Variants in WWOX observed in about 807,000 individuals in gnomAD.
The protein encoded by WWOX is WW domain-containing oxidoreductase.
Under a neutral mutation model 46.2 loss-of-function variants are expected in WWOX, and 69 were observed. The observed-to-expected ratio is 1.49, with a 90% confidence interval of 1.23 to 1.82. The LOEUF (loss-of-function observed/expected upper bound fraction) is 1.82. Ranked by LOEUF, WWOX falls within the 40% of genes most tolerant of loss-of-function variation. The pLI is 0.00. For missense variants in WWOX, 919 were observed against 542.6 expected, an observed-to-expected ratio of 1.69 and a Z score of -6.89; for synonymous variants, 359 against 202.6, an observed-to-expected ratio of 1.77 and a Z score of -6.56.
intron 8 of WWOX, among the ~76,000 whole-genome samples, chr16:78,857,945 A>T (rs1008072353): frequency 1.3e-5 from 2 of 152,192 alleles, no homozygotes; most frequent in African/African-American, 4.8e-5. Flanking sequence ...AGGACACCCA[A>T]TTAGAAGAAT....
intron 8 of WWOX, among the ~76,000 whole-genome samples, chr16:78,567,617 C>T (rs919235458): frequency 6.6e-6 from 1 of 150,760 alleles, no homozygotes; most frequent in African/African-American, 2.4e-5. Context: ...TTCCCAAGCT[C>T]GCCGCAGCCT....
intron 8 of WWOX, among the ~76,000 whole-genome samples, chr16:78,475,624 C>T (rs546649361): frequency 6.6e-6 from 1 of 152,244 alleles, no homozygotes; most frequent in Non-Finnish European, 1.5e-5. Context: ...TCATTTAAGA[C>T]AGCGTCTGTT....
chr16:78,366,671 G>T (rs2081542614), intron 5 of WWOX, among the ~76,000 whole-genome samples: 1 of 152,124 alleles, frequency 6.6e-6, no homozygotes, highest in African/African-American at 2.4e-5. Flanking sequence ...TTGCTTTCAT[G>T]CTATTAAAGC....
At chr16:78,210,509 ACTCT>A (rs970784315) in intron 5 of WWOX, among the ~76,000 whole-genome samples, 5 of 150,772 alleles carry the variant, frequency 3.3e-5, no homozygotes, top group Admixed American at 6.6e-5. Context: ...ACAGACACAC[ACTCT>A]CTCTCTCTTT....
chr16:78,257,902 C>G (rs1196702509), intron 5 of WWOX, among the ~76,000 whole-genome samples: 1 of 148,006 alleles, frequency 6.8e-6, no homozygotes, highest in East Asian at 2.0e-4. Context: ...GAAACAGGAA[C>G]TGAGTATGTT....
chr16:78,934,508 C>CA (rs760272326), intron 8 of WWOX, among the ~76,000 whole-genome samples: 22,298 of 73,642 alleles, frequency 0.3, 3,110 homozygotes, highest in East Asian at 0.41. Context: ...AACCCTGTAT[C>CA]AAAAAAAAAA....
chr16:78,925,320 C>T (rs1226844913), intron 8 of WWOX, among the ~76,000 whole-genome samples: 1 of 152,104 alleles, frequency 6.6e-6, no homozygotes, highest in Non-Finnish European at 1.5e-5. Flanking sequence ...CCTCAACTGC[C>T]CGGATGATAA....
intron 8 of WWOX, among the ~76,000 whole-genome samples, chr16:78,993,442 C>G (rs921280382): frequency 6.6e-6 from 1 of 152,132 alleles, no homozygotes; most frequent in Non-Finnish European, 1.5e-5. Flanking sequence ...GACAGTGCGG[C>G]TGGATAAGAG....
chr16:78,546,386 C>T (rs1371850757), intron 8 of WWOX, among the ~76,000 whole-genome samples: 1 of 152,088 alleles, frequency 6.6e-6, no homozygotes, highest in Non-Finnish European at 1.5e-5. Context: ...GGTTTCGGGA[C>T]TTGAAAGGCA....
intron 8 of WWOX, among the ~76,000 whole-genome samples, chr16:78,978,530 C>T (rs568101069): frequency 6.6e-6 from 1 of 152,264 alleles, no homozygotes; most frequent in African/African-American, 2.4e-5. Context: ...TAAAGAAATG[C>T]CTGAGACTGG....
chr16:78,575,833 G>C (rs1055239374), intron 8 of WWOX, among the ~76,000 whole-genome samples: 9 of 152,056 alleles, frequency 5.9e-5, no homozygotes, highest in Non-Finnish European at 1.0e-4. Context: ...AAAATGCCTA[G>C]ATAAATACTG....
chr16:78,670,409 A>C (rs1437340532), intron 8 of WWOX, among the ~76,000 whole-genome samples: 1 of 152,194 alleles, frequency 6.6e-6, no homozygotes, highest in Middle Eastern at 3.2e-3. Context: ...GCAGTGCCAC[A>C]TGCTGCATTG....
chr16:78,449,597 G>T (rs547073618), intron 8 of WWOX, among the ~76,000 whole-genome samples: 28 of 152,208 alleles, frequency 1.8e-4, no homozygotes, highest in African/African-American at 5.3e-4. Flanking sequence ...TTTTCTGTTT[G>T]CATCCTTTCG....
At chr16:78,710,578 A>G (rs1328494498) in intron 8 of WWOX, among the ~76,000 whole-genome samples, 1 of 144,910 alleles carries the variant, frequency 6.9e-6, no homozygotes, top group Non-Finnish European at 1.5e-5. Flanking sequence ...ATATCTAAAT[A>G]TATAAAATAT....
intron 8 of WWOX, among the ~76,000 whole-genome samples, chr16:78,715,576 T>C (rs1330727451): frequency 6.6e-6 from 1 of 151,782 alleles, no homozygotes; most frequent in Non-Finnish European, 1.5e-5. Context: ...CTCCGCCTCT[T>C]GGGTTCAAGC....
At chr16:78,379,965 A>G (rs148530751) in intron 5 of WWOX, among the ~76,000 whole-genome samples, 2,666 of 152,312 alleles carry the variant, frequency 0.018, 45 homozygotes, top group South Asian at 0.053. Flanking sequence ...TTGAATCTGG[A>G]AAACGCATTC....
At chr16:78,812,263 A>G (rs930434201) in intron 8 of WWOX, among the ~76,000 whole-genome samples, 1 of 152,120 alleles carries the variant, frequency 6.6e-6, no homozygotes, top group East Asian at 1.9e-4. Flanking sequence ...CCATTCTGTG[A>G]GGGTGGACAT....
intron 8 of WWOX, among the ~76,000 whole-genome samples, chr16:78,448,654 A>G (rs1420182230): frequency 6.6e-6 from 1 of 152,190 alleles, no homozygotes; most frequent in Non-Finnish European, 1.5e-5. Context: ...TTCTCCACTA[A>G]TGAGGGGTGA....
intron 8 of WWOX, among the ~76,000 whole-genome samples, chr16:79,039,498 C>T (rs1403747382): frequency 6.6e-6 from 1 of 152,138 alleles, no homozygotes; most frequent in Admixed American, 6.6e-5. Flanking sequence ...ATCGTAAAGG[C>T]TGATTAGAAA....
Sources: allele counts gnomAD v4.1 joint callset (sites outside exome capture counted in the v4.1 genomes callset), GRCh38; gene constraint gnomAD v4.1.1; transcripts MANE v1.5; gene names NCBI Gene and HGNC (gene_info 2026-07-23, HGNC 2026-07-21).